Variants in CENPU observed in about 807,000 individuals in gnomAD.
CENPU encodes centromere protein U, also known as KSHV latent nuclear antigen interacting protein 1.
A neutral mutation model predicts 56.7 loss-of-function variants in CENPU; 46 were observed. The ratio of observed to expected loss-of-function variants is 0.81; its 90% CI spans 0.64 to 1.04. The LOEUF is 1.04. Among genes scored for constraint, CENPU ranks in the 50% least tolerant of loss-of-function variants. The pLI is 0.00. For missense variants in CENPU, 510 were observed against 490.1 expected, an observed-to-expected ratio of 1.04 and a Z score of -0.38; for synonymous variants, 166 against 163.0, an observed-to-expected ratio of 1.02 and a Z score of -0.14.
Position 184,695,074 on chromosome 4 carries a change from T to C in CENPU, c.*214A>G. 1.9e-6 allele frequency: 1 copy of C among 538,502 alleles called. No individual in the cohort carries two copies. The highest frequency in any genetic ancestry group is 3.3e-6 in the Non-Finnish European group (1 of 302,888). 33.4% of individuals were successfully genotyped at this position (538,502 alleles called of 1,614,324 possible). A position where few individuals can be genotyped will look rare whatever the true frequency, so the allele number is the denominator to read the frequency against. ...GTCAACATTTTAAAATTACTCAAGA[T>C]ATTAACCAGAAAAGATGATTATGGC... On this transcript the variant is annotated 3_prime_UTR_variant, in exon 13 of 13. Transcript: ENST00000281453.
chr4:184,733,291 C>T (rs1039359103), intron 1 of CENPU: 6 of 985,848 alleles, frequency 6.1e-6, no homozygotes, highest in Non-Finnish European at 7.2e-6. Context: ...CCCGCATCTA[C>T]CAGCACCTCC....
chr4:184,710,622 G>C (rs1010597356), intron 7 of CENPU, among the ~76,000 whole-genome samples: 1 of 151,996 alleles, frequency 6.6e-6, no homozygotes, highest in African/African-American at 2.4e-5. Flanking sequence ...TACCAGACAG[G>C]AATCTGAAGA....
In CENPU at chr4:184,695,279, C is replaced by T. The variant is rs747549012; in HGVS notation, c.*9G>A. 1.9e-6 allele frequency: 3 copies of T among 1,587,228 alleles called. No individual in the cohort carries two copies. Among genetic ancestry groups the T allele is most frequent in the Non-Finnish European group, 2.6e-6 (3 of 1,155,834 alleles). ...CTTCCTATAGGCACATTTTAGTAGA[C>T]TGCTCTTCTCATCCCTGGTCAAGGA... On this transcript the variant is annotated 3_prime_UTR_variant, in exon 13 of 13. Coordinates refer to ENST00000281453, the MANE Select transcript of CENPU (RefSeq NM_024629.4).
At chr4:184,696,547 C>A (rs1488232883) in intron 12 of CENPU, among the ~76,000 whole-genome samples, 1 of 152,060 alleles carries the variant, frequency 6.6e-6, no homozygotes, top group Non-Finnish European at 1.5e-5. Flanking sequence ...TAAAAAAATA[C>A]CTTTAAAAGC....
chr4:184,724,212 G>A (rs1028774094), intron 4 of CENPU, among the ~76,000 whole-genome samples: 1 of 152,152 alleles, frequency 6.6e-6, no homozygotes, highest in African/African-American at 2.4e-5. Context: ...CTTGCAGTGA[G>A]CCCAGATTGA....
At chr4:184,732,472 A>G (rs1761682243) in intron 1 of CENPU, among the ~76,000 whole-genome samples, 1 of 152,218 alleles carries the variant, frequency 6.6e-6, no homozygotes, top group Admixed American at 6.5e-5. Context: ...TATTGGTTTT[A>G]TGGCAATTTT....
At chr4:184,716,029 C>G (rs1761083461) in intron 6 of CENPU, among the ~76,000 whole-genome samples, 1 of 151,420 alleles carries the variant, frequency 6.6e-6, no homozygotes, top group South Asian at 2.1e-4. Flanking sequence ...ACCTCCTGGG[C>G]TCAAGCAATT....
intron 4 of CENPU, among the ~76,000 whole-genome samples, chr4:184,719,026 G>A (rs923442438): frequency 3.9e-5 from 6 of 152,108 alleles, no homozygotes; most frequent in South Asian, 2.1e-4. Context: ...AGAGAGGGCC[G>A]GAGAAGAGGG....
rs759724463 is a variant in CENPU at position 184,697,799 on chromosome 4, C to T, written c.991G>A (p.Glu331Lys). 1.3e-6 allele frequency: 2 copies of T among 1,595,956 alleles called. No individual in the cohort carries two copies. Among genetic ancestry groups the T allele is most frequent in the South Asian group, 2.3e-5 (2 of 88,684 alleles). ...GTTTGTAGTTGTTTCAGCTGTGGCT[C>T]TAACCTAAAACAAAAATAAGTGACA... is the stretch of plus-strand genomic sequence containing the variant. Reference protein sequence around the residue: ...IEVQDELLRLEPQLKQLQTKY... With the variant: ...IEVQDELLRLKPQLKQLQTKY... The change falls in exon 12 of 13, where the codon GAG becomes AAG. Residue 331 changes from glutamate to lysine, a missense_variant. Glu to Lys is a moderately conservative substitution (Grantham distance 56). Transcript: ENST00000281453.
At position 184,734,085 on chromosome 4, in the gene CENPU, C is replaced by G; in HGVS notation, c.-23G>C. The stretch of plus-strand genomic sequence containing the variant: ...CATGGTGCCGCTCTCCGCTCTCGAG[C>G]GACTGGAAGCTCCCGCCAAGCCCCT... On this transcript the variant is annotated 5_prime_UTR_variant, in exon 1 of 13. Transcript: ENST00000281453. 6.5e-7 allele frequency: 1 copy of G among 1,543,218 alleles called. No homozygotes were observed. The highest frequency in any genetic ancestry group is 8.7e-7 in the Non-Finnish European group (1 of 1,146,264).
Position 184,734,072 on chromosome 4 carries a change from C to T in CENPU, c.-10G>A, listed in dbSNP as rs1009965835. On this transcript the variant is annotated 5_prime_UTR_variant, in exon 1 of 13. Transcript: ENST00000281453. ...GCCCCCGCGGGGCCATGGTGCCGCTCTCCGCTCTCGAGCGACTGGAAGCTC... is the reference window on the plus strand; with the variant it reads ...GCCCCCGCGGGGCCATGGTGCCGCTTTCCGCTCTCGAGCGACTGGAAGCTC... 3.2e-6 allele frequency: 5 copies of T among 1,550,656 alleles called. No individual in the cohort carries two copies. In the African/African-American group the frequency reaches 6.8e-5, roughly 21 times the overall value.
chr4:184,724,840 A>C, intron 4 of CENPU, 117 bp downstream of exon 4: 1 of 630,054 alleles, frequency 1.6e-6, no homozygotes, highest in South Asian at 2.3e-5. Context: ...GAGAAAAAGC[A>C]TAACAAGTTG....
intron 6 of CENPU, 98 bp from the exon 7 acceptor site, chr4:184,713,111 C>A (rs1760978482): frequency 1.3e-6 from 1 of 788,240 alleles, no homozygotes; most frequent in African/African-American, 1.8e-5. Context: ...AATATTTTAG[C>A]TGCGCACAGT....
Position 184,694,689 on chromosome 4 carries a change from A to G in CENPU, c.*599T>C. 6.2e-7 allele frequency: 1 copy of G among 1,614,090 alleles called. No homozygotes were observed. Among genetic ancestry groups the G allele is most frequent in the East Asian group, 2.2e-5 (1 of 44,888 alleles). ...TAGAAGCTACTGAAGATGCTGAATT[A>G]GCTGAAGCTGCAGAGAACAGTCTTC... On this transcript the variant is annotated 3_prime_UTR_variant, in exon 13 of 13. Transcript: ENST00000281453.
Position 184,697,771 on chromosome 4 carries a change from T to A in CENPU, c.1019A>T (p.Lys340Ile), listed in dbSNP as rs779764734. 1 of 1,609,332 alleles carries A rather than the reference T, an allele frequency of 6.2e-7. No homozygotes were observed. The highest frequency in any genetic ancestry group is 1.7e-5 in the Admixed American group (1 of 58,316). ...LEPQLKQLQTKYDELKERKSS... is the reference protein window; with the variant it reads ...LEPQLKQLQTIYDELKERKSS... ...CTTTCTCTCTTTAAGTTCATCATATTTTGTTTGTAGTTGTTTCAGCTGTGG... is the reference window on the plus strand; with the variant it reads ...CTTTCTCTCTTTAAGTTCATCATATATTGTTTGTAGTTGTTTCAGCTGTGG... Residue 340 changes from lysine (K) to isoleucine (I), a missense_variant, in exon 12 of 13, where the codon AAA becomes ATA. Coordinates refer to ENST00000281453, the MANE Select transcript of CENPU (RefSeq NM_024629.4).
intron 11 of CENPU, chr4:184,699,609 T>C: frequency 7.8e-7 from 1 of 1,288,892 alleles, no homozygotes; most frequent in Non-Finnish European, 1.0e-6. Flanking sequence ...GAGACTCAAT[T>C]TAGAAACCAA....
At chr4:184,717,620 A>T (rs181051079) in intron 4 of CENPU, among the ~76,000 whole-genome samples, 1 of 152,360 alleles carries the variant, frequency 6.6e-6, no homozygotes, top group East Asian at 1.9e-4. Flanking sequence ...TCATCTTTTC[A>T]TTCTGTTCAA....
At chr4:184,695,583 TCA>T (rs1275833990) in intron 12 of CENPU, among the ~76,000 whole-genome samples, 182 bp from the exon 13 acceptor site, 1 of 152,234 alleles carries the variant, frequency 6.6e-6, no homozygotes, top group Non-Finnish European at 1.5e-5. Context: ...ATATAATTGA[TCA>T]CAAAGTTGCT....
chr4:184,733,043 G>A (rs896960479), intron 1 of CENPU, among the ~76,000 whole-genome samples: 15 of 151,410 alleles, frequency 9.9e-5, no homozygotes, highest in Admixed American at 9.2e-4. Context: ...TTGGGAGGAG[G>A]CATGAACAGA....
Sources: allele counts gnomAD v4.1 joint callset (sites outside exome capture counted in the v4.1 genomes callset), GRCh38; gene constraint gnomAD v4.1.1; transcripts MANE v1.5; gene names NCBI Gene and HGNC (gene_info 2026-07-23, HGNC 2026-07-21).